The following RSPO2 variants were observed in gnomAD, a reference collection of about 807,000 sequenced individuals.
RSPO2 encodes the protein R-spondin-2.
RSPO2 carries 14 observed loss-of-function variants against 30.9 expected under a neutral mutation model. The ratio of observed to expected loss-of-function variants is 0.45; its 90% CI spans 0.30 to 0.71. The LOEUF (loss-of-function observed/expected upper bound fraction) is 0.71, where lower values mean the gene tolerates loss of function less well. Among genes scored for constraint, RSPO2 ranks in the 30% least tolerant of loss-of-function variants. The pLI, the probability that RSPO2 is intolerant of heterozygous loss-of-function variation, is 0.08. For missense variants in RSPO2, 264 were observed against 301.9 expected (o/e 0.87, Z 0.93); for synonymous variants, 107 against 96.4 (o/e 1.11, Z -0.64).
chr8:108,016,838 T>C (rs942655387), intron 2 of RSPO2, among the ~76,000 whole-genome samples: 5 of 152,178 alleles, frequency 3.3e-5, no homozygotes, highest in Admixed American at 1.3e-4. Context: ...GCTCTGGCCA[T>C]GTGATGTACC....
rs188058827 is a variant in RSPO2 at position 108,029,504 on chromosome 8, A to G, written c.95-40260T>C. ...AACAGCTAAGATGTGCTCTACTCATATATTCCACACCTAGAAGAGTGGGGG... is the reference window on the plus strand; with the variant it reads ...AACAGCTAAGATGTGCTCTACTCATGTATTCCACACCTAGAAGAGTGGGGG... On this transcript the variant is annotated intron_variant, in intron 2 of 5. Coordinates refer to ENST00000276659, the MANE Select transcript of RSPO2 (RefSeq NM_178565.5). Among the ~76,000 whole-genome samples, 6 of 152,314 alleles carry G rather than the reference A, an allele frequency of 3.9e-5. No homozygotes were observed. The East Asian group carries it at 1.2e-3, about 29-fold the overall frequency.
At chr8:107,939,026 G>T (rs993309464) in intron 5 of RSPO2, among the ~76,000 whole-genome samples, 1 of 152,242 alleles carries the variant, frequency 6.6e-6, no homozygotes, top group South Asian at 2.1e-4. Flanking sequence ...CTCCAAGAGC[G>T]AAGCCAGGTG....
intron 5 of RSPO2, among the ~76,000 whole-genome samples, chr8:107,914,686 C>G (rs1017115048): frequency 9.9e-5 from 15 of 152,106 alleles, no homozygotes; most frequent in Non-Finnish European, 2.2e-4. Context: ...ATTTTCATTA[C>G]AGTAGCTTAG....
At chr8:107,987,646 C>T (rs1447572754) in intron 3 of RSPO2, among the ~76,000 whole-genome samples, 1 of 152,196 alleles carries the variant, frequency 6.6e-6, no homozygotes, top group Non-Finnish European at 1.5e-5. Context: ...AAACAGAGAA[C>T]TGCATTGCCA....
At position 107,916,615 on chromosome 8, in the gene RSPO2, G is replaced by A. The variant is rs369393810; in HGVS notation, c.617-15425C>T. Among the ~76,000 whole-genome samples the A allele has an allele frequency of 3.0e-3, 458 of 152,266 alleles. 19 individuals carry two copies. In the South Asian group the frequency reaches 0.086, roughly 28 times the overall value. ...GTTAAAGGAAATGTAATTTTTTCTA[G>A]TTCAGACAAACAGAGTAACAGAGTA... On this transcript the variant is annotated intron_variant, in intron 5 of 5. Transcript: ENST00000276659.
intron 5 of RSPO2, among the ~76,000 whole-genome samples, chr8:107,932,929 T>C (rs796480869): frequency 6.6e-6 from 1 of 152,138 alleles, no homozygotes; most frequent in Non-Finnish European, 1.5e-5. Context: ...TGGAAAACTT[T>C]GATGTACTAG....
At chr8:108,006,731 A>G (rs1815465499) in intron 2 of RSPO2, among the ~76,000 whole-genome samples, 1 of 152,204 alleles carries the variant, frequency 6.6e-6, no homozygotes, top group African/African-American at 2.4e-5. Flanking sequence ...GATTGTAAAC[A>G]CTGTATAAAC....
At chr8:107,995,030 G>T (rs1199500453) in intron 2 of RSPO2, among the ~76,000 whole-genome samples, 1 of 152,040 alleles carries the variant, frequency 6.6e-6, no homozygotes, top group Non-Finnish European at 1.5e-5. Flanking sequence ...CAAAACCAGG[G>T]CTTATTCTAC....
At chr8:107,915,491 T>C (rs897738792) in intron 5 of RSPO2, among the ~76,000 whole-genome samples, 1 of 152,122 alleles carries the variant, frequency 6.6e-6, no homozygotes, top group African/African-American at 2.4e-5. Context: ...CAGGAAGATT[T>C]CAGGGAGATT....
chr8:108,008,553 T>A (rs771325639), intron 2 of RSPO2, among the ~76,000 whole-genome samples: 1 of 152,190 alleles, frequency 6.6e-6, no homozygotes, highest in Non-Finnish European at 1.5e-5. Context: ...TGCAATCTCC[T>A]CACTGTGAAT....
At chr8:108,078,528 T>C (rs1006325807) in intron 2 of RSPO2, among the ~76,000 whole-genome samples, 1 of 150,792 alleles carries the variant, frequency 6.6e-6, no homozygotes, top group African/African-American at 2.4e-5. Context: ...AAAGTATTTG[T>C]AAAAAAAAAA....
At chr8:107,902,184 C>T (rs1563741688) in intron 5 of RSPO2, among the ~76,000 whole-genome samples, 1 of 152,232 alleles carries the variant, frequency 6.6e-6, no homozygotes, top group East Asian at 1.9e-4. Flanking sequence ...AGGTCTCCTG[C>T]ATTTTACAGA....
intron 5 of RSPO2, among the ~76,000 whole-genome samples, chr8:107,941,833 T>A (rs890178527): frequency 6.6e-6 from 1 of 152,176 alleles, no homozygotes; most frequent in Non-Finnish European, 1.5e-5. Flanking sequence ...TAAATCAGGT[T>A]AGGCCCACTG....
At chr8:108,050,791 A>G (rs1156803683) in intron 2 of RSPO2, among the ~76,000 whole-genome samples, 1 of 152,140 alleles carries the variant, frequency 6.6e-6, no homozygotes, top group Non-Finnish European at 1.5e-5. Context: ...GAGGCAGGGA[A>G]AGAAGTGGCC....
chr8:107,905,144 A>G lies in RSPO2; in HGVS notation c.617-3954T>C, dbSNP rs184968869. Among the ~76,000 whole-genome samples, 4 of 152,206 alleles carry G rather than the reference A, an allele frequency of 2.6e-5. No homozygotes were observed. In the East Asian group the frequency reaches 7.7e-4, roughly 29 times the overall value. The stretch of plus-strand genomic sequence containing the variant: ...TGATTTCATTCTTTCATAAACTCTC[A>G]AAGTCAAAGGTCTTCAAATGCTCTC... On this transcript the variant is annotated intron_variant, in intron 5 of 5. Transcript: ENST00000276659.
intron 2 of RSPO2, among the ~76,000 whole-genome samples, chr8:108,020,703 TA>T: frequency 6.6e-6 from 1 of 152,300 alleles, no homozygotes; most frequent in South Asian, 2.1e-4. Flanking sequence ...ATAATAAGTA[TA>T]AAAATGATAT....
chr8:108,081,052 T>C (rs1813178250), intron 2 of RSPO2, among the ~76,000 whole-genome samples: 1 of 152,202 alleles, frequency 6.6e-6, no homozygotes. Context: ...TTCTCTCTAG[T>C]ATTTTTAAGT....
intron 2 of RSPO2, among the ~76,000 whole-genome samples, chr8:108,033,145 C>A (rs1811481404): frequency 6.6e-6 from 1 of 151,096 alleles, no homozygotes; most frequent in African/African-American, 2.5e-5. Context: ...AAGCAATTCA[C>A]CCACCTCAGC....
intron 2 of RSPO2, among the ~76,000 whole-genome samples, chr8:108,004,480 A>T (rs900449453): frequency 6.6e-6 from 1 of 152,226 alleles, no homozygotes; most frequent in South Asian, 2.1e-4. Context: ...AATGATCAAA[A>T]CTAGACTTTA....
Sources: gnomAD v4.1 joint callset for allele counts (sites outside exome capture counted in the v4.1 genomes callset) on GRCh38, gnomAD v4.1.1 for gene constraint, MANE v1.5 for transcripts, NCBI Gene and HGNC (gene_info 2026-07-23, HGNC 2026-07-21) for gene names.